The following PDS5A variants were observed in gnomAD, a reference collection of about 807,000 sequenced individuals.
The protein encoded by PDS5A is PDS5 cohesin associated factor A, also known as sister chromatid cohesion protein PDS5 homolog A.
Under a neutral mutation model 167.1 loss-of-function variants are expected in PDS5A, and 42 were observed. The ratio of observed to expected loss-of-function variants is 0.25; its 90% confidence interval spans 0.20 to 0.33. The LOEUF (loss-of-function observed/expected upper bound fraction) is 0.33, where lower values mean the gene tolerates loss of function less well. PDS5A is among the 10% of genes least tolerant of loss of function. PDS5A has a pLI of 1.00. For synonymous variants in PDS5A, 553 were observed against 554.6 expected, an observed-to-expected ratio of 1.00 and a Z score of 0.04; for missense variants, 1,033 against 1,605.9, an observed-to-expected ratio of 0.64 and a Z score of 6.10.
At chr4:39,951,855 G>A (rs534552847) in intron 2 of PDS5A, among the ~76,000 whole-genome samples, 73 of 132,692 alleles carry the variant, frequency 5.5e-4, no homozygotes, top group African/African-American at 2.0e-3. Context: ...AGCCAAGATC[G>A]CGCCACTGCA....
chr4:39,851,062 T>G (rs895244204), intron 26 of PDS5A, among the ~76,000 whole-genome samples: 3 of 152,182 alleles, frequency 2.0e-5, no homozygotes, highest in Non-Finnish European at 2.9e-5. Context: ...TCAATAATAT[T>G]TATTAACTTA....
intron 11 of PDS5A, among the ~76,000 whole-genome samples, chr4:39,906,669 CTA>C (rs1723378032): frequency 6.6e-6 from 1 of 151,024 alleles, no homozygotes; most frequent in Non-Finnish European, 1.5e-5. Context: ...GTAGTACCAG[CTA>C]TTCAGGAGAA....
At chr4:39,855,861 C>T (rs1055910867) in intron 26 of PDS5A, among the ~76,000 whole-genome samples, 1 of 152,070 alleles carries the variant, frequency 6.6e-6, no homozygotes, top group African/African-American at 2.4e-5. Flanking sequence ...GAAATACTAA[C>T]ATTAGACATC....
intron 2 of PDS5A, chr4:39,973,808 T>C (rs1461446032): frequency 4.1e-6 from 5 of 1,221,782 alleles, no homozygotes; most frequent in South Asian, 3.6e-5. Flanking sequence ...GGTTACTTCA[T>C]GGCAGCTATT....
At chr4:39,898,057 C>T (rs1197805975) in intron 16 of PDS5A, 11 of 1,017,608 alleles carry the variant, frequency 1.1e-5, no homozygotes, top group Non-Finnish European at 1.2e-5. Context: ...TATTTCCATT[C>T]TAATACATGA....
intron 2 of PDS5A, chr4:39,974,322 G>T: frequency 5.9e-6 from 3 of 507,840 alleles, no homozygotes; most frequent in South Asian, 1.5e-5. Context: ...TCAACAGAGC[G>T]GTTGCTAACA....
Position 39,823,322 on chromosome 4 carries a change from C to A in PDS5A, c.*2163G>T, listed in dbSNP as rs1393633391. 6.6e-6 allele frequency: 1 copy of A among 152,176 alleles called. No homozygotes were observed. Among genetic ancestry groups the A allele is most frequent in the Non-Finnish European group, 1.5e-5 (1 of 68,038 alleles). The allele number at this position is 152,176 out of a possible 1,614,324, so 9.4% of individuals were successfully genotyped here. A position where few individuals can be genotyped will look rare whatever the true frequency, so the allele number is the denominator to read the frequency against. On this transcript the variant is annotated 3_prime_UTR_variant, in exon 33 of 33. Coordinates refer to ENST00000303538, the MANE Select transcript of PDS5A (RefSeq NM_001100399.2). ...AGTGCCAGACACTTGCATCATGTTA[C>A]AAAATTGGGGTGGGCCACTTACATC... is the stretch of plus-strand genomic sequence containing the variant.
At chr4:39,884,157 G>A (rs1000463704) in intron 17 of PDS5A, among the ~76,000 whole-genome samples, 7 of 150,738 alleles carry the variant, frequency 4.6e-5, no homozygotes, top group African/African-American at 1.2e-4. Flanking sequence ...TCAAACTCCT[G>A]ACCTCGTGAT....
intron 19 of PDS5A, among the ~76,000 whole-genome samples, chr4:39,876,713 AAC>A (rs560710972): frequency 3.0e-4 from 45 of 152,332 alleles, no homozygotes; most frequent in Non-Finnish European, 5.4e-4. Context: ...AATATAATAA[AAC>A]ACTAAATTCT....
chr4:39,911,986 T>A (rs1296086379), intron 9 of PDS5A, among the ~76,000 whole-genome samples: 1 of 152,010 alleles, frequency 6.6e-6, no homozygotes, highest in Non-Finnish European at 1.5e-5. Context: ...TTTGAAATGA[T>A]CTCATAAAAA....
chr4:39,954,694 A>C (rs1021061845), intron 2 of PDS5A, among the ~76,000 whole-genome samples: 11 of 151,452 alleles, frequency 7.3e-5, no homozygotes, highest in Non-Finnish European at 1.6e-4. Flanking sequence ...AAAAAAAAAA[A>C]AAACAGAAAC....
chr4:39,928,151 G>GT lies in PDS5A; in HGVS notation c.151dup (p.Thr51AsnfsTer12). 6.2e-7 allele frequency: 1 copy of GT among 1,603,922 alleles called. No homozygotes were observed. Among genetic ancestry groups the GT allele is most frequent in the South Asian group, 1.1e-5 (1 of 90,334 alleles). On this transcript the variant is annotated frameshift_variant, in exon 3 of 33. Coordinates refer to ENST00000303538, the MANE Select transcript of PDS5A (RefSeq NM_001100399.2). LOFTEE classifies it high-confidence loss of function. Reference sequence around the variant, plus strand: ...TGAGTCCTGATCCATATCCATAAAGGTTTTCACTACCATCTGTAAAAATGT... The same window carrying GT: ...TGAGTCCTGATCCATATCCATAAAGGTTTTTCACTACCATCTGTAAAAATGT...
chr4:39,841,817 G>T, intron 31 of PDS5A, 131 bp downstream of exon 31: 1 of 600,562 alleles, frequency 1.7e-6, no homozygotes, highest in African/African-American at 1.9e-5. Context: ...CGGGGAGAAG[G>T]TGTGTGGTAA....
At chr4:39,917,015 T>TAAA (rs71194939) in intron 8 of PDS5A, 33 bp downstream of exon 8, 182 of 1,118,586 alleles carry the variant, frequency 1.6e-4, no homozygotes, top group Middle Eastern at 2.7e-4. Flanking sequence ...ACAAAAAAAT[T>TAAA]AAAAAAAAAA....
intron 2 of PDS5A, among the ~76,000 whole-genome samples, chr4:39,939,854 C>A (rs1024213797): frequency 6.6e-6 from 1 of 152,082 alleles, no homozygotes; most frequent in Non-Finnish European, 1.5e-5. Flanking sequence ...AGCTGAACTA[C>A]TGTATAATAC....
At chr4:39,956,117 C>CAA (rs369534217) in intron 2 of PDS5A, among the ~76,000 whole-genome samples, 7 of 120,550 alleles carry the variant, frequency 5.8e-5, no homozygotes, top group East Asian at 2.4e-4. Context: ...GACTGCCTCT[C>CAA]AAAAAAAAAA....
chr4:39,825,721 C>T (rs1715236890), intron 32 of PDS5A, among the ~76,000 whole-genome samples: 1 of 151,942 alleles, frequency 6.6e-6, no homozygotes, highest in African/African-American at 2.4e-5. Flanking sequence ...CAGCCTGAGC[C>T]TCCCAAATAG....
intron 31 of PDS5A, among the ~76,000 whole-genome samples, chr4:39,838,491 G>A (rs1398215757): frequency 6.6e-6 from 1 of 151,938 alleles, no homozygotes; most frequent in Non-Finnish European, 1.5e-5. Context: ...GGAGGCTAAA[G>A]CGGGAGGATC....
At chr4:39,833,191 C>CAAAAA (rs1166233113) in intron 32 of PDS5A, among the ~76,000 whole-genome samples, 1,006 of 37,858 alleles carry the variant, frequency 0.027, 124 homozygotes, top group East Asian at 0.1. Context: ...AACTCCGTCT[C>CAAAAA]AAAAAAAAAA....
Sources: allele counts gnomAD v4.1 joint callset (sites outside exome capture counted in the v4.1 genomes callset), GRCh38; gene constraint gnomAD v4.1.1; transcripts MANE v1.5; gene names NCBI Gene and HGNC (gene_info 2026-07-23, HGNC 2026-07-21).